Variants in ANAPC7 observed in about 807,000 individuals in gnomAD.
ANAPC7 encodes anaphase promoting complex subunit 7, also known as anaphase-promoting complex subunit 7.
In ANAPC7, 25 loss-of-function variants were observed where a neutral mutation model predicts 63.3. That is an observed-to-expected ratio of 0.39 (90% CI 0.29 to 0.55). The LOEUF is 0.55. ANAPC7 is among the 20% of genes least tolerant of loss of function. The probability of loss-of-function intolerance (pLI) is 0.57; values close to 1 mark genes in which losing one functional copy is unlikely to be tolerated. For synonymous variants in ANAPC7, 241 were observed against 251.7 expected (o/e 0.96, Z 0.40); for missense variants, 516 against 691.7 (o/e 0.75, Z 2.85).
At chr12:110,401,294 C>T (rs982666054) in intron 1 of ANAPC7, among the ~76,000 whole-genome samples, 2 of 152,176 alleles carry the variant, frequency 1.3e-5, no homozygotes, top group East Asian at 1.9e-4. Context: ...CGTACTCCTC[C>T]ATTTATTGGA....
intron 8 of ANAPC7, 107 bp downstream of exon 8, chr12:110,381,645 G>A: frequency 8.5e-7 from 1 of 1,177,076 alleles, no homozygotes; most frequent in Admixed American, 2.3e-5. Context: ...AGCTTCCCCA[G>A]ATTATTCTAA....
chr12:110,397,130 G>A (rs2062154515), intron 1 of ANAPC7, among the ~76,000 whole-genome samples: 1 of 151,796 alleles, frequency 6.6e-6, no homozygotes, highest in South Asian at 2.1e-4. Flanking sequence ...CATGAACCCA[G>A]GAGGCCTGTA....
rs766427112 is a variant in ANAPC7, at chr12:110,403,645, CGGGCAGCG to C, written c.-26_-19del. 3.8e-6 allele frequency: 6 copies of C among 1,579,404 alleles called. No individual in the cohort carries two copies. Among genetic ancestry groups the C allele is most frequent in the Non-Finnish European group, 5.2e-6 (6 of 1,162,276 alleles). ...ACATTCATCCTGCTCTGCAAAGCCG[CGGGCAGCG>C]GCGGCAGCACTGACTCGAAAAGCCG... On this transcript the variant is annotated 5_prime_UTR_variant, in exon 1 of 11. Coordinates refer to ENST00000455511, the MANE Select transcript of ANAPC7 (RefSeq NM_016238.3).
At chr12:110,393,035 T>G (rs1286609844) in intron 3 of ANAPC7, among the ~76,000 whole-genome samples, 2 of 152,106 alleles carry the variant, frequency 1.3e-5, no homozygotes, top group South Asian at 4.1e-4. Flanking sequence ...CCTCAGATGA[T>G]TCACCCACCT....
intron 8 of ANAPC7, among the ~76,000 whole-genome samples, 165 bp downstream of exon 8, chr12:110,381,587 G>A (rs776485115): frequency 9.9e-5 from 15 of 151,826 alleles, no homozygotes; most frequent in Admixed American, 2.0e-4. Flanking sequence ...TGCCCGTCTC[G>A]GCCTCCCAAA....
intron 7 of ANAPC7, 109 bp from the exon 8 acceptor site, chr12:110,382,057 T>C: frequency 1.8e-6 from 2 of 1,107,954 alleles, no homozygotes; most frequent in Non-Finnish European, 2.5e-6. Flanking sequence ...AACATAATCC[T>C]TATTCCAAAC....
At chr12:110,383,702 C>T (rs1363472069) in intron 6 of ANAPC7, among the ~76,000 whole-genome samples, 1 of 148,762 alleles carries the variant, frequency 6.7e-6, no homozygotes, top group African/African-American at 2.5e-5. Flanking sequence ...CAGGTGAAAC[C>T]CCATCTCTAC....
intron 8 of ANAPC7, chr12:110,377,830 GC>G: frequency 7.1e-7 from 1 of 1,414,700 alleles, no homozygotes; most frequent in Non-Finnish European, 9.2e-7. Context: ...GAAAAAGACT[GC>G]CTTCAAAGGC....
At chr12:110,389,317 A>C (rs533984133) in intron 3 of ANAPC7, among the ~76,000 whole-genome samples, 1 of 152,298 alleles carries the variant, frequency 6.6e-6, no homozygotes, top group South Asian at 2.1e-4. Context: ...TCACATAAGA[A>C]AGTGAGAAAC....
intron 1 of ANAPC7, among the ~76,000 whole-genome samples, chr12:110,401,358 C>A (rs1299990841): frequency 6.6e-6 from 1 of 152,138 alleles, no homozygotes; most frequent in Non-Finnish European, 1.5e-5. Context: ...CTCACTTCCT[C>A]AACACACTCA....
chr12:110,397,216 A>C (rs1051429030), intron 1 of ANAPC7, among the ~76,000 whole-genome samples: 3 of 150,974 alleles, frequency 2.0e-5, no homozygotes, highest in East Asian at 3.9e-4. Flanking sequence ...ACAAAAAAAA[A>C]CCAATGCACA....
rs1306028353 is a variant in ANAPC7 at position 110,382,455 on chromosome 12, A to ATATATAT, written c.935+387_935+388insATATATA. Among the ~76,000 whole-genome samples, 260 of 69,998 alleles carry ATATATAT rather than the reference A, an allele frequency of 3.7e-3. 1 individual carries two copies. The highest frequency in any genetic ancestry group is 5.7e-3 in the Non-Finnish European group (207 of 36,074). 45.9% of individuals were successfully genotyped at this position (69,998 alleles called of 152,430 possible). On this transcript the variant is annotated intron_variant, in intron 7 of 10. Transcript: ENST00000455511. Reference sequence around the variant, plus strand: ...GATTATCCTTTTAAAAAAAAAAAAAAAAAAAAATATATATATATATATATA... The same window carrying ATATATAT: ...GATTATCCTTTTAAAAAAAAAAAAAATATATATAAAAAAATATATATATATATATATA...
chr12:110,384,094 C>T (rs540976117), intron 6 of ANAPC7, among the ~76,000 whole-genome samples: 9 of 151,078 alleles, frequency 6.0e-5, no homozygotes, highest in Non-Finnish European at 1.2e-4. Flanking sequence ...ACCAGCTACT[C>T]GGGAGGCTGA....
chr12:110,381,804 G>C lies in ANAPC7; in HGVS notation c.1080C>G (p.Ile360Met). The C allele has an allele frequency of 6.2e-7, 1 of 1,613,978 alleles. No homozygotes were observed. The highest frequency in any genetic ancestry group is 1.3e-5 in the African/African-American group (1 of 75,034). ...CGAGCCGTATGGCCTCCCGAAAGTG[G>C]ATTATTGCTTCTTGGACTCTGCCCA... ...RNMGRVQEAIIHFREAIRLAP... is the reference protein window; with the variant it reads ...RNMGRVQEAIMHFREAIRLAP... Residue 360 changes from isoleucine to methionine, a missense_variant, in exon 8 of 11, where the codon ATC becomes ATG. Coordinates refer to ENST00000455511, the MANE Select transcript of ANAPC7 (RefSeq NM_016238.3).
At chr12:110,376,352 ATTCAG>A (rs1323900541) in intron 9 of ANAPC7, 136 bp from the exon 10 acceptor site, 3 of 933,454 alleles carry the variant, frequency 3.2e-6, no homozygotes, top group Non-Finnish European at 4.7e-6. Context: ...CTGAAGCCCT[ATTCAG>A]TTAAGAAATT....
At chr12:110,394,662 T>C (rs1883407457) in intron 3 of ANAPC7, among the ~76,000 whole-genome samples, 1 of 66,728 alleles carries the variant, frequency 1.5e-5, no homozygotes, top group Non-Finnish European at 2.5e-5. Flanking sequence ...AGAGTGAAAT[T>C]CCACCTCAAA....
intron 3 of ANAPC7, among the ~76,000 whole-genome samples, chr12:110,391,919 C>A (rs990603258): frequency 1.3e-5 from 2 of 151,970 alleles, no homozygotes; most frequent in Non-Finnish European, 2.9e-5. Flanking sequence ...TGGTGAAACC[C>A]CGTCTCCACT....
rs758471066 is a variant in ANAPC7, at chr12:110,386,343, A to T, written c.801T>A (p.Asp267Glu). The T allele has an allele frequency of 2.5e-6, 4 of 1,614,106 alleles. No homozygotes were observed. The South Asian group carries it at 4.4e-5, about 18-fold the overall frequency. The change falls in exon 6 of 11, where the codon GAT (aspartate) becomes GAA (glutamate). Residue 267 changes from aspartate (D) to glutamate (E), a missense_variant. Physicochemically the swap from Asp to Glu is conservative, Grantham distance 45 (BLOSUM62 2). Around this residue, in one of 4 missense-constraint regions of ANAPC7, gnomAD observed 199 missense variants for 249.3 expected, o/e 0.80. Transcript: ENST00000455511. ...ATTACTTACCTTTTATCAGATAAGG[A>T]TCCAACATCTGTGCCTGTTCAAACT... ...VLKFEQAQML[D>E]PYLIKGMDVY...
chr12:110,373,951 T>C lies in ANAPC7; in HGVS notation c.*193A>G, dbSNP rs1486747289. The C allele has an allele frequency of 9.0e-6, 5 of 553,956 alleles. No individual in the cohort carries two copies. Among genetic ancestry groups the C allele is most frequent in the Admixed American group, 3.7e-5 (1 of 27,220 alleles). 34.3% of individuals were successfully genotyped at this position (553,956 alleles called of 1,614,324 possible). A position where few individuals can be genotyped will look rare whatever the true frequency, so the allele number is the denominator to read the frequency against. On this transcript the variant is annotated 3_prime_UTR_variant, in exon 11 of 11. Transcript: ENST00000455511. ...TGGCTGGAGCAGGGGAGGATGGAGA[T>C]ACATGGAAGGTTGGTCAGGCTCTGT...
Sources: allele counts gnomAD v4.1 joint callset (sites outside exome capture counted in the v4.1 genomes callset), GRCh38; gene constraint gnomAD v4.1.1; regional missense constraint gnomAD v4.1.1; transcripts MANE v1.5; gene names NCBI Gene and HGNC (gene_info 2026-07-23, HGNC 2026-07-21).